Variants in ERBB4 observed in about 807,000 individuals in gnomAD.
ERBB4 encodes receptor tyrosine-protein kinase erbB-4.
A neutral mutation model predicts 158.0 loss-of-function variants in ERBB4; 42 were observed. The ratio of observed to expected loss-of-function variants is 0.27; its 90% CI spans 0.21 to 0.34. The LOEUF is 0.34. ERBB4 is among the 10% of genes least tolerant of loss of function. The pLI is 1.00. For synonymous variants in ERBB4, 583 were observed against 558.7 expected, an observed-to-expected ratio of 1.04 and a Z score of -0.61; for missense variants, 1,333 against 1,624.1, an observed-to-expected ratio of 0.82 and a Z score of 3.08.
intron 1 of ERBB4, among the ~76,000 whole-genome samples, chr2:212,322,774 G>A (rs1363171531): frequency 6.7e-6 from 1 of 150,190 alleles, no homozygotes; most frequent in African/African-American, 2.4e-5. Context: ...GAGAAATTGG[G>A]GCTACAAATA....
chr2:211,820,220 C>T (rs1473749514), intron 3 of ERBB4, among the ~76,000 whole-genome samples: 1 of 151,872 alleles, frequency 6.6e-6, no homozygotes, highest in Non-Finnish European at 1.5e-5. Flanking sequence ...TTTATGCTTG[C>T]TTAACAGCAG....
At chr2:212,274,940 AG>A (rs1474645820) in intron 1 of ERBB4, among the ~76,000 whole-genome samples, 2 of 151,744 alleles carry the variant, frequency 1.3e-5, no homozygotes, top group Non-Finnish European at 2.9e-5. Context: ...ACCCACCAGC[AG>A]GCCCCACTGT....
intron 20 of ERBB4, 176 bp downstream of exon 20, chr2:211,561,727 C>T (rs1469731329): frequency 3.3e-5 from 21 of 634,576 alleles, no homozygotes; most frequent in Non-Finnish European, 5.3e-5. Context: ...ATATATATCA[C>T]GCATTTAATC....
At chr2:212,232,735 G>A (rs1244283514) in intron 1 of ERBB4, among the ~76,000 whole-genome samples, 3 of 152,078 alleles carry the variant, frequency 2.0e-5, no homozygotes, top group Admixed American at 6.6e-5. Context: ...CTAAATGGAA[G>A]TGAACAGAAT....
rs148588130 is a variant in ERBB4 at position 212,377,307 on chromosome 2, G to T, written c.82+161142C>A. 1.7e-3 allele frequency among the ~76,000 whole-genome samples: 259 copies of T among 150,310 alleles called. 2 individuals carry two copies. The highest frequency in any genetic ancestry group is 5.9e-3 in the African/African-American group (244 of 41,072). On this transcript the variant is annotated intron_variant, in intron 1 of 27. Transcript: ENST00000342788. ...TGTATATACACACACACATACTCAT[G>T]CACAGCTCTTCTATAGAGATATGTT...
intron 7 of ERBB4, among the ~76,000 whole-genome samples, chr2:211,718,571 T>C (rs116656183): frequency 0.014 from 2,177 of 152,302 alleles, 50 homozygotes; most frequent in African/African-American, 0.049. Context: ...ACAGTTTGTG[T>C]ACACTGAACC....
intron 3 of ERBB4, among the ~76,000 whole-genome samples, chr2:211,888,507 C>T (rs59096903): frequency 6.6e-6 from 1 of 152,242 alleles, no homozygotes; most frequent in African/African-American, 2.4e-5. Flanking sequence ...TTGTGTTTCA[C>T]TTATGCAGGT....
At chr2:211,888,768 G>A (rs1449831045) in intron 3 of ERBB4, among the ~76,000 whole-genome samples, 4 of 151,818 alleles carry the variant, frequency 2.6e-5, no homozygotes, top group African/African-American at 9.7e-5. Flanking sequence ...TTCCCTTTCC[G>A]AGTCAAAGAA....
At chr2:211,893,376 G>A (rs1392806814) in intron 3 of ERBB4, among the ~76,000 whole-genome samples, 7 of 143,060 alleles carry the variant, frequency 4.9e-5, no homozygotes, top group Non-Finnish European at 1.1e-4. Flanking sequence ...GCTGAAACTG[G>A]ATCCCTTCCT....
chr2:211,897,004 C>G (rs967572303), intron 3 of ERBB4, among the ~76,000 whole-genome samples: 1 of 151,102 alleles, frequency 6.6e-6, no homozygotes, highest in African/African-American at 2.4e-5. Context: ...TAATGGCATT[C>G]ATCAGCAATT....
At chr2:212,220,605 A>T (rs1244120944) in intron 1 of ERBB4, among the ~76,000 whole-genome samples, 1 of 151,332 alleles carries the variant, frequency 6.6e-6, no homozygotes, top group Non-Finnish European at 1.5e-5. Context: ...CTTGTTTGAG[A>T]TGGCAACAGA....
At chr2:211,657,687 A>T in intron 16 of ERBB4, 67 bp downstream of exon 16, 1 of 1,159,394 alleles carries the variant, frequency 8.6e-7, no homozygotes, top group Non-Finnish European at 1.3e-6. Flanking sequence ...CCAACTGGTT[A>T]GTACTTTTTG....
intron 2 of ERBB4, among the ~76,000 whole-genome samples, chr2:212,033,218 C>T (rs1156914545): frequency 6.6e-6 from 1 of 151,948 alleles, no homozygotes; most frequent in Non-Finnish European, 1.5e-5. Flanking sequence ...TCTTTGTACA[C>T]TTTTAGATAG....
chr2:211,471,731 G>A (rs1287413547), intron 20 of ERBB4, among the ~76,000 whole-genome samples: 2 of 152,048 alleles, frequency 1.3e-5, no homozygotes, highest in Non-Finnish European at 2.9e-5. Flanking sequence ...TGGAGAAGTA[G>A]GAGTTAAAAA....
intron 3 of ERBB4, among the ~76,000 whole-genome samples, chr2:211,912,878 G>T (rs146015211): frequency 2.1e-3 from 323 of 152,292 alleles, no homozygotes; most frequent in Non-Finnish European, 3.1e-3. Flanking sequence ...TCTGAGAGAT[G>T]CTACCTGTGA....
At position 211,654,075 on chromosome 2, in the gene ERBB4, T is replaced by C. The variant is rs144327544; in HGVS notation, c.1946+3679A>G. 5.8e-3 allele frequency among the ~76,000 whole-genome samples: 881 copies of C among 152,302 alleles called. 5 individuals are homozygous for C. The highest frequency in any genetic ancestry group is 9.8e-3 in the Non-Finnish European group (664 of 68,020). On this transcript the variant is annotated intron_variant, in intron 16 of 27. Transcript: ENST00000342788. Reference sequence around the variant, plus strand: ...GAAAAACTATGATGACATTTAAAAATATTATTAAATTAGCGCTCTGCTTTC... The same window carrying C: ...GAAAAACTATGATGACATTTAAAAACATTATTAAATTAGCGCTCTGCTTTC...
intron 3 of ERBB4, among the ~76,000 whole-genome samples, chr2:211,893,677 T>C (rs1575332282): frequency 8.0e-6 from 1 of 124,926 alleles, no homozygotes; most frequent in South Asian, 2.4e-4. Flanking sequence ...AAAGGGCTAA[T>C]ATCCAGAATC....
At chr2:211,434,319 T>C (rs2063805837) in intron 20 of ERBB4, among the ~76,000 whole-genome samples, 1 of 152,076 alleles carries the variant, frequency 6.6e-6, no homozygotes, top group Non-Finnish European at 1.5e-5. Context: ...AGTGATGGTG[T>C]TAGGAGGTGG....
intron 1 of ERBB4, among the ~76,000 whole-genome samples, chr2:212,233,966 A>T (rs1292845228): frequency 3.1e-3 from 84 of 27,122 alleles, no homozygotes; most frequent in African/African-American, 0.014. Context: ...TGCATTATTT[A>T]TTATTATTAT....
Sources: gnomAD v4.1 joint callset for allele counts (sites outside exome capture counted in the v4.1 genomes callset) on GRCh38, gnomAD v4.1.1 for gene constraint, MANE v1.5 for transcripts, NCBI Gene and HGNC (gene_info 2026-07-23, HGNC 2026-07-21) for gene names.